The following TACR1 variants were observed in gnomAD, a reference collection of about 807,000 sequenced individuals.
TACR1 encodes the protein substance-P receptor.
A neutral mutation model predicts 35.8 loss-of-function variants in TACR1; 25 were observed. That is an observed-to-expected ratio of 0.70 (90% CI 0.51 to 0.98). TACR1 has a LOEUF of 0.98. TACR1 is among the 50% of genes least tolerant of loss of function. The pLI is 0.00. For missense variants in TACR1, 478 were observed against 522.9 expected (o/e 0.91, Z 0.84); for synonymous variants, 195 against 206.7 (o/e 0.94, Z 0.48).
intron 1 of TACR1, among the ~76,000 whole-genome samples, chr2:75,126,080 T>A (rs1160643597): frequency 6.6e-6 from 1 of 152,152 alleles, no homozygotes; most frequent in Non-Finnish European, 1.5e-5. Context: ...CCTCTCACTC[T>A]CCACCCTGAA....
At chr2:75,094,859 A>ATATATATATATTTTTT in intron 2 of TACR1, among the ~76,000 whole-genome samples, 5 of 113,102 alleles carry the variant, frequency 4.4e-5, no homozygotes, top group African/African-American at 1.9e-4. Context: ...ATATATATAT[A>ATATATATATATTTTTT]TTTTTTTTTT....
At chr2:75,142,614 A>G (rs1558567199) in intron 1 of TACR1, among the ~76,000 whole-genome samples, 2 of 152,196 alleles carry the variant, frequency 1.3e-5, no homozygotes, top group East Asian at 3.8e-4. Context: ...CATAAGACAG[A>G]TAAGACAAAT....
At chr2:75,131,087 AT>A (rs985325740) in intron 1 of TACR1, among the ~76,000 whole-genome samples, 14 of 150,486 alleles carry the variant, frequency 9.3e-5, no homozygotes, top group East Asian at 1.9e-4. Context: ...TAATGAGCCA[AT>A]TTTTTTTTCT....
In TACR1 at chr2:75,128,391, C is replaced by T. The variant is rs149410322; in HGVS notation, c.390-7623G>A. 5.3e-3 allele frequency among the ~76,000 whole-genome samples: 802 copies of T among 152,278 alleles called. 4 individuals carry two copies. The highest frequency in any genetic ancestry group is 0.018 in the African/African-American group (765 of 41,550). Reference sequence around the variant, plus strand: ...CCCAGGTTAAGCCCTTTGATTTTTGCAGAGCCAGGGCTACCATAAAAATAC... The same window carrying T: ...CCCAGGTTAAGCCCTTTGATTTTTGTAGAGCCAGGGCTACCATAAAAATAC... On this transcript the variant is annotated intron_variant, in intron 1 of 4. Transcript: ENST00000305249.
chr2:75,115,722 C>A (rs1371625624), intron 2 of TACR1, among the ~76,000 whole-genome samples: 1 of 151,742 alleles, frequency 6.6e-6, no homozygotes, highest in African/African-American at 2.4e-5. Context: ...CTGGCTAACA[C>A]CGTGAAACCC....
intron 1 of TACR1, among the ~76,000 whole-genome samples, chr2:75,184,328 G>A (rs1000387557): frequency 2.6e-5 from 4 of 151,864 alleles, no homozygotes; most frequent in Non-Finnish European, 5.9e-5. Flanking sequence ...TCTGTCTTAA[G>A]CCAATGGGCA....
Position 75,108,449 on chromosome 2 carries a change from G to A in TACR1, c.584+12125C>T, listed in dbSNP as rs540795248. On this transcript the variant is annotated intron_variant, in intron 2 of 4. Coordinates refer to ENST00000305249, the MANE Select transcript of TACR1 (RefSeq NM_001058.4). ...TCTGTCGTACTAGGAATAGTATAATGCTTCTTAAAATAATAAAATGTGTGA... is the reference window on the plus strand; with the variant it reads ...TCTGTCGTACTAGGAATAGTATAATACTTCTTAAAATAATAAAATGTGTGA... 2.0e-5 allele frequency among the ~76,000 whole-genome samples: 3 copies of A among 152,218 alleles called. No individual in the cohort carries two copies. The East Asian group carries it at 5.8e-4, about 29-fold the overall frequency.
intron 2 of TACR1, among the ~76,000 whole-genome samples, chr2:75,073,118 G>C (rs1374904102): frequency 6.6e-6 from 1 of 152,168 alleles, no homozygotes; most frequent in Non-Finnish European, 1.5e-5. Flanking sequence ...CAGGAATAGG[G>C]ACCCGGTGTT....
intron 2 of TACR1, among the ~76,000 whole-genome samples, chr2:75,071,090 G>A (rs943911951): frequency 1.4e-4 from 22 of 152,218 alleles, no homozygotes; most frequent in African/African-American, 5.3e-4. Flanking sequence ...ATTGTCTGTG[G>A]CTGTTTTCGT....
chr2:75,087,255 C>T (rs939525745), intron 2 of TACR1, among the ~76,000 whole-genome samples: 3 of 152,198 alleles, frequency 2.0e-5, no homozygotes, highest in African/African-American at 7.2e-5. Context: ...ATTCCACTTG[C>T]ATCTTGCATT....
intron 1 of TACR1, among the ~76,000 whole-genome samples, chr2:75,141,652 G>C (rs966376987): frequency 6.6e-6 from 1 of 152,114 alleles, no homozygotes; most frequent in African/African-American, 2.4e-5. Context: ...AATATTTCTT[G>C]GTCCTATATC....
intron 1 of TACR1, among the ~76,000 whole-genome samples, chr2:75,151,533 G>A (rs1365629114): frequency 6.6e-6 from 1 of 152,212 alleles, no homozygotes; most frequent in Admixed American, 6.5e-5. Context: ...TGAGATTTGG[G>A]AACCTTTGCC....
rs1348340585 is a variant in TACR1 at position 75,046,463 on chromosome 2, G to C, written c.*2969C>G. The C allele has an allele frequency of 6.6e-6, 1 of 152,194 alleles. No individual in the cohort carries two copies. Among genetic ancestry groups the C allele is most frequent in the Non-Finnish European group, 1.5e-5 (1 of 68,054 alleles). The allele number at this position is 152,194 out of a possible 1,614,324, so 9.4% of individuals were successfully genotyped here. ...CTAGAGAAGAGACAGAGGCACGAGA[G>C]AGTGAAACACATACTTTATTTCTGT... is the stretch of plus-strand genomic sequence containing the variant. On this transcript the variant is annotated 3_prime_UTR_variant, in exon 5 of 5. Coordinates refer to ENST00000305249, the MANE Select transcript of TACR1 (RefSeq NM_001058.4).
At chr2:75,153,869 C>G (rs891835544) in intron 1 of TACR1, among the ~76,000 whole-genome samples, 1 of 151,962 alleles carries the variant, frequency 6.6e-6, no homozygotes. Context: ...TCAGTGTACT[C>G]TAAGTATTCT....
intron 2 of TACR1, among the ~76,000 whole-genome samples, chr2:75,106,276 G>A (rs1673643778): frequency 6.6e-6 from 1 of 151,972 alleles, no homozygotes; most frequent in Non-Finnish European, 1.5e-5. Flanking sequence ...GAGGGGCATT[G>A]TTTTGCATTT....
chr2:75,063,412 A>G (rs974522072), intron 2 of TACR1, among the ~76,000 whole-genome samples: 7 of 152,098 alleles, frequency 4.6e-5, no homozygotes, highest in Non-Finnish European at 8.8e-5. Context: ...ACATTTACTG[A>G]TATTTATTTA....
chr2:75,194,964 G>T (rs988993096), intron 1 of TACR1, among the ~76,000 whole-genome samples: 6 of 151,954 alleles, frequency 3.9e-5, no homozygotes, highest in Non-Finnish European at 8.8e-5. Context: ...CCCTTCTTAG[G>T]TTCTGCTCCA....
chr2:75,068,825 C>G (rs1240069938), intron 2 of TACR1, among the ~76,000 whole-genome samples: 3 of 152,104 alleles, frequency 2.0e-5, no homozygotes, highest in Non-Finnish European at 2.9e-5. Context: ...CAAGAATTCT[C>G]CATTGTAGAG....
intron 1 of TACR1, among the ~76,000 whole-genome samples, chr2:75,152,969 C>G (rs1255247042): frequency 6.6e-6 from 1 of 152,242 alleles, no homozygotes; most frequent in African/African-American, 2.4e-5. Context: ...GTAGCGCAAT[C>G]TCGGCTCACT....
Sources: allele counts gnomAD v4.1 joint callset (sites outside exome capture counted in the v4.1 genomes callset), GRCh38; gene constraint gnomAD v4.1.1; transcripts MANE v1.5; gene names NCBI Gene and HGNC (gene_info 2026-07-23, HGNC 2026-07-21).